Variants in PCP4 observed in about 807,000 individuals in gnomAD.
The protein encoded by PCP4 is calmodulin regulator protein PCP4.
PCP4 carries 8 observed loss-of-function variants against 10.0 expected under a neutral mutation model. That is an observed-to-expected ratio of 0.80 (90% CI 0.47 to 1.45). PCP4 has a LOEUF of 1.45. Among genes scored for constraint, PCP4 ranks in the 40% most tolerant of loss-of-function variants. PCP4 has a pLI of 0.00. For missense variants in PCP4, 54 were observed against 74.4 expected, an observed-to-expected ratio of 0.73 and a Z score of 1.01; for synonymous variants, 21 against 23.0, an observed-to-expected ratio of 0.91 and a Z score of 0.24.
chr21:39,880,194 A>ATATCTATATCTATATC (rs1206980883), intron 1 of PCP4, among the ~76,000 whole-genome samples: 1 of 130,468 alleles, frequency 7.7e-6, no homozygotes, highest in African/African-American at 3.3e-5. Flanking sequence ...ATATCTATCT[A>ATATCTATATCTATATC]TATCTATTCC....
intron 1 of PCP4, among the ~76,000 whole-genome samples, chr21:39,889,357 G>A (rs966643106): frequency 1.3e-5 from 2 of 151,266 alleles, no homozygotes; most frequent in Admixed American, 6.6e-5. Flanking sequence ...CAAAAGTGGT[G>A]AGCCCCCCGC....
intron 1 of PCP4, among the ~76,000 whole-genome samples, chr21:39,880,222 C>T (rs2087368514): frequency 6.6e-6 from 1 of 151,524 alleles, no homozygotes; most frequent in African/African-American, 2.4e-5. Context: ...AGTGGAAGCT[C>T]TCAAAATGGC....
chr21:39,928,144 G>A (rs1215778275), intron 2 of PCP4, among the ~76,000 whole-genome samples: 1 of 152,114 alleles, frequency 6.6e-6, no homozygotes, highest in Non-Finnish European at 1.5e-5. Context: ...CCCATCACCT[G>A]AGCAGCATAC....
At chr21:39,894,178 G>A (rs548956542) in intron 1 of PCP4, among the ~76,000 whole-genome samples, 1 of 152,214 alleles carries the variant, frequency 6.6e-6, no homozygotes, top group African/African-American at 2.4e-5. Context: ...TCTCCTGGGA[G>A]TGGAATTATT....
intron 2 of PCP4, among the ~76,000 whole-genome samples, chr21:39,927,771 T>A (rs1774421517): frequency 6.6e-6 from 1 of 152,134 alleles, no homozygotes; most frequent in Non-Finnish European, 1.5e-5. Flanking sequence ...CTCCAAGGCC[T>A]CCTTTGTCCT....
At chr21:39,927,078 C>A (rs536521922) in intron 2 of PCP4, among the ~76,000 whole-genome samples, 14 of 152,282 alleles carry the variant, frequency 9.2e-5, no homozygotes, top group Non-Finnish European at 2.1e-4. Context: ...GCTTCCAAAG[C>A]CAGAGCTGAC....
intron 2 of PCP4, among the ~76,000 whole-genome samples, chr21:39,921,186 A>G (rs1379799970): frequency 6.6e-6 from 1 of 152,152 alleles, no homozygotes; most frequent in South Asian, 2.1e-4. Flanking sequence ...TGACTGTATT[A>G]TGTGTTTAGA....
In PCP4 at chr21:39,887,894, C is replaced by A. The variant is rs560617700; in HGVS notation, c.10-10582C>A. ...ACTGGGGTGACTGGAGGCAGTCCTGCATTTTGTGTCTCTGCTGTGTGGGGT... is the reference window on the plus strand; with the variant it reads ...ACTGGGGTGACTGGAGGCAGTCCTGAATTTTGTGTCTCTGCTGTGTGGGGT... On this transcript the variant is annotated intron_variant, in intron 1 of 2. Coordinates refer to ENST00000328619, the MANE Select transcript of PCP4 (RefSeq NM_006198.3). 1.4e-4 allele frequency among the ~76,000 whole-genome samples: 21 copies of A among 152,294 alleles called. 1 individual carries two copies. In the South Asian group the frequency reaches 3.9e-3, roughly 29 times the overall value.
chr21:39,912,812 C>T (rs1208638573), intron 2 of PCP4, among the ~76,000 whole-genome samples: 1 of 152,148 alleles, frequency 6.6e-6, no homozygotes, highest in Admixed American at 6.6e-5. Context: ...CCAGCTCAAG[C>T]AATCCTCCTG....
chr21:39,905,889 A>G (rs1226268087), intron 2 of PCP4, among the ~76,000 whole-genome samples: 1 of 152,186 alleles, frequency 6.6e-6, no homozygotes, highest in Non-Finnish European at 1.5e-5. Flanking sequence ...TCTACTAAAA[A>G]TACAAAAAAT....
intron 1 of PCP4, among the ~76,000 whole-genome samples, chr21:39,874,683 A>C (rs2146324993): frequency 6.6e-6 from 1 of 151,460 alleles, no homozygotes; most frequent in East Asian, 1.9e-4. Context: ...TCTAAAAAAC[A>C]ATACAAGCAT....
chr21:39,880,663 A>G (rs1008511937), intron 1 of PCP4, among the ~76,000 whole-genome samples: 8 of 152,124 alleles, frequency 5.3e-5, no homozygotes, highest in African/African-American at 1.9e-4. Context: ...TTTGGTCCTC[A>G]CTTCTTCTTC....
At chr21:39,879,222 C>G (rs934654311) in intron 1 of PCP4, among the ~76,000 whole-genome samples, 1 of 152,068 alleles carries the variant, frequency 6.6e-6, no homozygotes, top group African/African-American at 2.4e-5. Flanking sequence ...CTCCTGACCT[C>G]AAGTGATCTG....
chr21:39,902,999 A>G (rs2087488286), intron 2 of PCP4, among the ~76,000 whole-genome samples: 1 of 152,206 alleles, frequency 6.6e-6, no homozygotes, highest in Non-Finnish European at 1.5e-5. Flanking sequence ...CAAATTAGTA[A>G]TTTGAACACA....
intron 1 of PCP4, among the ~76,000 whole-genome samples, chr21:39,895,238 T>C (rs2087451639): frequency 6.6e-6 from 1 of 152,222 alleles, no homozygotes; most frequent in East Asian, 1.9e-4. Context: ...CATTCATCTA[T>C]CCATCCACAC....
At position 39,929,211 on chromosome 21, in the gene PCP4, C is replaced by A; in HGVS notation, c.*100C>A. 2 of 1,167,120 alleles carry A rather than the reference C, an allele frequency of 1.7e-6. No individual in the cohort carries two copies. The highest frequency in any genetic ancestry group is 1.2e-6 in the Non-Finnish European group (1 of 822,448). 72.3% of individuals were successfully genotyped at this position (1,167,120 alleles called of 1,614,324 possible). On this transcript the variant is annotated 3_prime_UTR_variant, in exon 3 of 3. Coordinates refer to ENST00000328619, the MANE Select transcript of PCP4 (RefSeq NM_006198.3). Reference sequence around the variant, plus strand: ...ACCCTAGAGAGAAGTCATCCACACACAATCCACACACGCATAGCAAACCTC... The same window carrying A: ...ACCCTAGAGAGAAGTCATCCACACAAAATCCACACACGCATAGCAAACCTC...
intron 1 of PCP4, among the ~76,000 whole-genome samples, chr21:39,892,363 T>C (rs546983762): frequency 2.5e-3 from 378 of 152,376 alleles, no homozygotes; most frequent in African/African-American, 8.9e-3. Flanking sequence ...ATGACTATCC[T>C]TATTCTAACT....
intron 1 of PCP4, among the ~76,000 whole-genome samples, chr21:39,888,269 C>T (rs2250341): frequency 0.24 from 36,797 of 152,220 alleles, 5,536 homozygotes; most frequent in Non-Finnish European, 0.33. Flanking sequence ...CTCAGCAACT[C>T]TGTGGTAGAC....
rs1454339757 is a variant in PCP4, at chr21:39,896,643, A to G, written c.10-1833A>G. Among the ~76,000 whole-genome samples, 3 of 152,218 alleles carry G rather than the reference A, an allele frequency of 2.0e-5. No individual in the cohort carries two copies. The East Asian group carries it at 5.8e-4, about 29-fold the overall frequency. ...TTCTTTATTGGGTTATTGTCTGCAT[A>G]ATGCAATAAGCATACACGAGGATGG... On this transcript the variant is annotated intron_variant, in intron 1 of 2. Transcript: ENST00000328619.
Sources: allele counts gnomAD v4.1 joint callset (sites outside exome capture counted in the v4.1 genomes callset), GRCh38; gene constraint gnomAD v4.1.1; transcripts MANE v1.5; gene names NCBI Gene and HGNC (gene_info 2026-07-23, HGNC 2026-07-21).